OSTN: variants seen among roughly 807,000 people sequenced by gnomAD.
OSTN encodes the protein osteocrin.
A neutral mutation model predicts 12.0 loss-of-function variants in OSTN; 9 were observed. The ratio of observed to expected loss-of-function variants is 0.75; its 90% CI spans 0.45 to 1.30. The LOEUF (loss-of-function observed/expected upper bound fraction) is 1.30, where lower values mean the gene tolerates loss of function less well. Among genes scored for constraint, OSTN ranks in the 50% most tolerant of loss-of-function variants. The pLI, the probability that OSTN is intolerant of heterozygous loss-of-function variation, is 0.00. For synonymous variants in OSTN, 59 were observed against 56.9 expected, an observed-to-expected ratio of 1.04 and a Z score of -0.16; for missense variants, 148 against 152.3, an observed-to-expected ratio of 0.97 and a Z score of 0.15.
At chr3:191,235,373 T>G (rs1250364940) in intron 3 of OSTN, among the ~76,000 whole-genome samples, 3 of 152,188 alleles carry the variant, frequency 2.0e-5, no homozygotes, top group African/African-American at 7.2e-5. Flanking sequence ...GGAAGGAGCT[T>G]GTGGCCAGTT....
intron 3 of OSTN, among the ~76,000 whole-genome samples, chr3:191,229,515 T>C (rs1416647175): frequency 1.3e-5 from 2 of 152,186 alleles, no homozygotes; most frequent in East Asian, 1.9e-4. Flanking sequence ...CTTAGAATGA[T>C]GTGCACATGG....
intron 2 of OSTN, among the ~76,000 whole-genome samples, chr3:191,215,215 G>A (rs906160480): frequency 2.0e-5 from 3 of 152,176 alleles, no homozygotes; most frequent in African/African-American, 7.2e-5. Flanking sequence ...CAGATCTTGT[G>A]AGAACTCACT....
chr3:191,205,941 T>C (rs188431640), intron 1 of OSTN, among the ~76,000 whole-genome samples: 9 of 152,090 alleles, frequency 5.9e-5, no homozygotes, highest in African/African-American at 2.2e-4. Flanking sequence ...TCTCAGCACT[T>C]TGGGAGGCTG....
chr3:191,214,171 A>G (rs1714539659), intron 2 of OSTN, among the ~76,000 whole-genome samples: 1 of 152,160 alleles, frequency 6.6e-6, no homozygotes, highest in African/African-American at 2.4e-5. Context: ...TTGTAAGGTG[A>G]TTAAGGGAGT....
intron 1 of OSTN, among the ~76,000 whole-genome samples, chr3:191,209,591 T>C (rs1489307505): frequency 1.3e-5 from 2 of 152,246 alleles, no homozygotes; most frequent in Non-Finnish European, 2.9e-5. Flanking sequence ...ATTTTAAACA[T>C]TGCATGTCAA....
chr3:191,204,440 C>T (rs1308334602), intron 1 of OSTN, among the ~76,000 whole-genome samples: 1 of 152,104 alleles, frequency 6.6e-6, no homozygotes, highest in African/African-American at 2.4e-5. Context: ...TTTTCAATTG[C>T]TCTTGGGTGA....
chr3:191,211,314 G>A (rs559951976), intron 1 of OSTN, among the ~76,000 whole-genome samples: 1 of 152,240 alleles, frequency 6.6e-6, no homozygotes, highest in South Asian at 2.1e-4. Context: ...ATACATTTAA[G>A]TTATTTGTTT....
intron 3 of OSTN, among the ~76,000 whole-genome samples, chr3:191,249,709 G>A (rs929284481): frequency 5.9e-5 from 9 of 152,126 alleles, no homozygotes; most frequent in African/African-American, 2.2e-4. Flanking sequence ...TTTGAAGGGG[G>A]ACGGGATTTT....
chr3:191,262,527 A>G (rs928467504), intron 4 of OSTN, among the ~76,000 whole-genome samples: 5 of 152,196 alleles, frequency 3.3e-5, no homozygotes, highest in African/African-American at 1.2e-4. Flanking sequence ...TTTGTTTGTC[A>G]CGGCAGTATC....
At chr3:191,223,611 A>C (rs1714825644) in intron 3 of OSTN, among the ~76,000 whole-genome samples, 1 of 152,234 alleles carries the variant, frequency 6.6e-6, no homozygotes, top group South Asian at 2.1e-4. Flanking sequence ...AAGAAGAAAG[A>C]AAACATTACA....
intron 4 of OSTN, among the ~76,000 whole-genome samples, chr3:191,252,737 T>C (rs896558974): frequency 1.8e-4 from 27 of 152,236 alleles, no homozygotes; most frequent in African/African-American, 6.3e-4. Context: ...TTATGTAGTT[T>C]ATGAATAACA....
chr3:191,262,533 G>A (rs1411095705), intron 4 of OSTN, among the ~76,000 whole-genome samples: 1 of 152,110 alleles, frequency 6.6e-6, no homozygotes, highest in African/African-American at 2.4e-5. Flanking sequence ...TGTCACGGCA[G>A]TATCCTTTGA....
In OSTN at chr3:191,227,881, A is replaced by G. The variant is rs189119471; in HGVS notation, c.317+8920A>G. On this transcript the variant is annotated intron_variant, in intron 3 of 4. Transcript: ENST00000682035. ...GAATTTTTGTGGACATTTTGAAATC[A>G]TGCCATATCAGGTGTTATAATTTTA... Among the ~76,000 whole-genome samples the G allele has an allele frequency of 2.0e-5, 3 of 152,324 alleles. No individual in the cohort carries two copies. The East Asian group carries it at 5.8e-4, about 29-fold the overall frequency.
chr3:191,208,695 C>T (rs932163596), intron 1 of OSTN, among the ~76,000 whole-genome samples: 8 of 152,098 alleles, frequency 5.3e-5, no homozygotes, highest in African/African-American at 1.9e-4. Context: ...GAGGAGAAAC[C>T]TGGTTAGTGA....
At chr3:191,259,013 C>G (rs554424900) in intron 4 of OSTN, among the ~76,000 whole-genome samples, 1 of 152,028 alleles carries the variant, frequency 6.6e-6, no homozygotes, top group East Asian at 1.9e-4. Flanking sequence ...AGGTTGCCTA[C>G]GACGCTTAAA....
At chr3:191,228,891 C>T (rs1714979614) in intron 3 of OSTN, 1 of 151,986 alleles carries the variant, frequency 6.6e-6, no homozygotes, top group South Asian at 2.1e-4. Flanking sequence ...TTTTGCAAAC[C>T]CTAATGAAAT....
intron 4 of OSTN, among the ~76,000 whole-genome samples, chr3:191,261,872 A>T (rs1387693171): frequency 6.6e-6 from 1 of 152,226 alleles, no homozygotes; most frequent in East Asian, 1.9e-4. Flanking sequence ...GAAATTAGCA[A>T]GTTCTAGGTC....
At chr3:191,243,678 C>T (rs367950132) in intron 3 of OSTN, among the ~76,000 whole-genome samples, 1 of 151,968 alleles carries the variant, frequency 6.6e-6, no homozygotes, top group Non-Finnish European at 1.5e-5. Context: ...TGACAGCTAC[C>T]GTTTTTTGTT....
intron 3 of OSTN, among the ~76,000 whole-genome samples, chr3:191,233,342 G>T (rs1035408893): frequency 6.6e-6 from 1 of 152,072 alleles, no homozygotes; most frequent in African/African-American, 2.4e-5. Context: ...TCAATTCTCC[G>T]GGCAACACTA....
Sources: allele counts gnomAD v4.1 joint callset (sites outside exome capture counted in the v4.1 genomes callset), GRCh38; gene constraint gnomAD v4.1.1; transcripts MANE v1.5; gene names NCBI Gene and HGNC (gene_info 2026-07-23, HGNC 2026-07-21).